The following CDH4 variants were observed in gnomAD, a reference collection of about 807,000 sequenced individuals.
The protein encoded by CDH4 is cadherin 4, also known as cadherin-4.
A neutral mutation model predicts 86.0 loss-of-function variants in CDH4; 33 were observed. The ratio of observed to expected loss-of-function variants is 0.38; its 90% CI spans 0.29 to 0.51. The LOEUF is 0.51. Ranked by LOEUF, CDH4 falls within the 20% of genes least tolerant of loss-of-function variation. The pLI, the probability that CDH4 is intolerant of heterozygous loss-of-function variation, is 0.86. For synonymous variants in CDH4, 555 were observed against 549.4 expected (o/e 1.01, Z -0.14); for missense variants, 1,114 against 1,307.4 (o/e 0.85, Z 2.28).
chr20:61,877,065 C>A (rs1034235538), intron 7 of CDH4, among the ~76,000 whole-genome samples: 1 of 152,168 alleles, frequency 6.6e-6, no homozygotes, highest in African/African-American at 2.4e-5. Flanking sequence ...GCCTGGTGCA[C>A]CCTACGGGAG....
At chr20:61,855,422 T>C (rs1982955378) in intron 6 of CDH4, among the ~76,000 whole-genome samples, 1 of 152,148 alleles carries the variant, frequency 6.6e-6, no homozygotes, top group African/African-American at 2.4e-5. Context: ...GGTGAGCAGA[T>C]TAGCTCCAGG....
chr20:61,282,245 C>G (rs2866010), intron 2 of CDH4, among the ~76,000 whole-genome samples: 99,942 of 151,896 alleles, frequency 0.66, 33,367 homozygotes, highest in East Asian at 0.82. Context: ...TGTAATCCCA[C>G]CTACTTGGGA....
chr20:61,299,150 A>T (rs534092009), intron 2 of CDH4, among the ~76,000 whole-genome samples: 106 of 152,282 alleles, frequency 7.0e-4, no homozygotes, highest in African/African-American at 2.4e-3. Flanking sequence ...AAATCCAAAG[A>T]CCCGTGCTCT....
Position 61,811,796 on chromosome 20 carries a change from C to G in CDH4, c.577-32872C>G, listed in dbSNP as rs898719732. Among the ~76,000 whole-genome samples, 2 of 152,030 alleles carry G rather than the reference C, an allele frequency of 1.3e-5. No individual in the cohort carries two copies. Among genetic ancestry groups the G allele is most frequent in the Non-Finnish European group, 2.9e-5 (2 of 67,996 alleles). Reference sequence around the variant, plus strand: ...AAGCAATTCTCCTGCCTCAGCCTCCCATGTAGCTGGTACTACAGGCACACG... The same window carrying G: ...AAGCAATTCTCCTGCCTCAGCCTCCGATGTAGCTGGTACTACAGGCACACG... On this transcript the variant is annotated intron_variant, in intron 4 of 15. Transcript: ENST00000614565. This position sits in a 1 kb window ranked among gnomAD's most constrained non-coding sequence, Gnocchi z 4.4.
chr20:61,583,652 T>G (rs1172008274), intron 2 of CDH4, among the ~76,000 whole-genome samples: 1 of 152,192 alleles, frequency 6.6e-6, no homozygotes, highest in East Asian at 1.9e-4. Flanking sequence ...TCTCTCCACT[T>G]TCCTCGTTGA....
intron 2 of CDH4, among the ~76,000 whole-genome samples, chr20:61,308,876 G>A (rs754034696): frequency 6.6e-6 from 1 of 152,212 alleles, no homozygotes; most frequent in Non-Finnish European, 1.5e-5. Context: ...CCTGATCAAA[G>A]GGCTGGGCTA....
chr20:61,411,648 G>A (rs1273243156), intron 2 of CDH4, among the ~76,000 whole-genome samples: 1 of 152,044 alleles, frequency 6.6e-6, no homozygotes, highest in Non-Finnish European at 1.5e-5. Context: ...AGCTCATTTT[G>A]TTCAGCTCTC....
intron 3 of CDH4, among the ~76,000 whole-genome samples, chr20:61,745,314 G>T (rs1373797448): frequency 6.6e-6 from 1 of 152,198 alleles, no homozygotes; most frequent in African/African-American, 2.4e-5. Flanking sequence ...TCCATGGAAA[G>T]CTTGCAAGAC....
At chr20:61,912,724 C>T (rs181347478) in intron 9 of CDH4, among the ~76,000 whole-genome samples, 33 of 152,328 alleles carry the variant, frequency 2.2e-4, no homozygotes, top group African/African-American at 7.7e-4. Flanking sequence ...GTTTCACTTC[C>T]CCTCTAATTA....
intron 2 of CDH4, among the ~76,000 whole-genome samples, chr20:61,553,299 AGACACTAAT>A (rs1258676147): frequency 6.6e-6 from 1 of 152,254 alleles, no homozygotes. Context: ...AAATGGACAG[AGACACTAAT>A]GGGTGCAGGG....
chr20:61,692,011 T>G (rs1314856642), intron 2 of CDH4, among the ~76,000 whole-genome samples: 1 of 152,208 alleles, frequency 6.6e-6, no homozygotes, highest in Non-Finnish European at 1.5e-5. Context: ...GGACGTAAAA[T>G]TCTTCACCTT....
chr20:61,563,211 G>A (rs116148487), intron 2 of CDH4, among the ~76,000 whole-genome samples: 2,255 of 152,370 alleles, frequency 0.015, 28 homozygotes, highest in African/African-American at 0.039. Flanking sequence ...CGGCAGCTCT[G>A]CTCTTAGCTC....
At chr20:61,372,822 C>G (rs1483039780) in intron 2 of CDH4, among the ~76,000 whole-genome samples, 1 of 152,220 alleles carries the variant, frequency 6.6e-6, no homozygotes, top group East Asian at 1.9e-4. Flanking sequence ...ACTTACCAAG[C>G]TAGACTATTT....
At chr20:61,286,299 C>T (rs901727442) in intron 2 of CDH4, among the ~76,000 whole-genome samples, 5 of 152,200 alleles carry the variant, frequency 3.3e-5, no homozygotes, top group African/African-American at 4.8e-5. Context: ...CAGAGGAGTG[C>T]GTGTGCTGGG....
intron 2 of CDH4, among the ~76,000 whole-genome samples, chr20:61,277,502 A>G (rs1370262864): frequency 1.3e-5 from 2 of 152,154 alleles, no homozygotes; most frequent in Admixed American, 6.5e-5. Context: ...AATCTTCATA[A>G]TGAAAAGGAG....
chr20:61,627,941 G>GC (rs1336933908), intron 2 of CDH4, among the ~76,000 whole-genome samples: 1 of 152,086 alleles, frequency 6.6e-6, no homozygotes, highest in Non-Finnish European at 1.5e-5. Flanking sequence ...CGCCTCCTGG[G>GC]CCCCCTGGCC....
At chr20:61,867,153 C>T (rs1568857626) in intron 6 of CDH4, among the ~76,000 whole-genome samples, 1 of 152,264 alleles carries the variant, frequency 6.6e-6, no homozygotes, top group Non-Finnish European at 1.5e-5. Flanking sequence ...ATGTTTGACT[C>T]TGAGCCTGGG....
At chr20:61,303,169 C>T (rs183190241) in intron 2 of CDH4, among the ~76,000 whole-genome samples, 2 of 152,236 alleles carry the variant, frequency 1.3e-5, no homozygotes, top group African/African-American at 4.8e-5. Context: ...AAGCATGTGG[C>T]TCCCCTTCCT....
chr20:61,785,629 T>G (rs575260973), intron 4 of CDH4, among the ~76,000 whole-genome samples: 1 of 149,616 alleles, frequency 6.7e-6, no homozygotes, highest in Admixed American at 6.6e-5. Context: ...CCACCCAGGT[T>G]TGCAGAGCCC....
Sources: allele counts gnomAD v4.1 joint callset (sites outside exome capture counted in the v4.1 genomes callset), GRCh38; gene constraint gnomAD v4.1.1; non-coding constraint Gnocchi (gnomAD v3.1); transcripts MANE v1.5; gene names NCBI Gene and HGNC (gene_info 2026-07-23, HGNC 2026-07-21).